The following HBEGF variants were observed in gnomAD, a reference collection of about 807,000 sequenced individuals.
HBEGF encodes heparin binding EGF like growth factor.
A neutral mutation model predicts 19.5 loss-of-function variants in HBEGF; 8 were observed. The ratio of observed to expected loss-of-function variants is 0.41; its 90% confidence interval spans 0.24 to 0.74. HBEGF has a LOEUF of 0.74. Ranked by LOEUF, HBEGF falls within the 30% of genes least tolerant of loss-of-function variation. HBEGF has a pLI of 0.32. For missense variants in HBEGF, 207 were observed against 256.9 expected (o/e 0.81, Z 1.33); for synonymous variants, 97 against 108.9 (o/e 0.89, Z 0.68).
At position 140,346,259 on chromosome 5, in the gene HBEGF, C is replaced by A; in HGVS notation, c.46+24G>T. On this transcript the variant is annotated intron_variant, in intron 1 of 5. Transcript: ENST00000230990. This position sits in a 1 kb window ranked among gnomAD's most constrained non-coding sequence, Gnocchi z 6.1. ...ACAACGCCCCCATCCCCCCGATCTC[C>A]GGGGGCGTCGGCAGCCCTCTTACCT... 1.3e-6 allele frequency: 2 copies of A among 1,595,954 alleles called. No individual in the cohort carries two copies. Among genetic ancestry groups the A allele is most frequent in the Non-Finnish European group, 8.5e-7 (1 of 1,172,284 alleles).
rs41291441 is a variant in HBEGF at position 140,335,834 on chromosome 5, A to G, written c.554+38T>C. The G allele has an allele frequency of 1.1e-3, 1,811 of 1,606,488 alleles. 4 individuals carry two copies. Among genetic ancestry groups the G allele is most frequent in the Non-Finnish European group, 1.4e-3 (1,643 of 1,175,750 alleles). On this transcript the variant is annotated intron_variant, in intron 4 of 5. Coordinates refer to ENST00000230990, the MANE Select transcript of HBEGF (RefSeq NM_001945.3). ...CCCAGGAGGAGGAAGAAAGGGAGTGATTTGCAGAAACAGCCTGCAGGGGAC... is the reference window on the plus strand; with the variant it reads ...CCCAGGAGGAGGAAGAAAGGGAGTGGTTTGCAGAAACAGCCTGCAGGGGAC...
Position 140,339,767 on chromosome 5 carries a change from G to A in HBEGF, c.398+2868C>T, listed in dbSNP as rs1198833615. Among the ~76,000 whole-genome samples the A allele has an allele frequency of 2.0e-5, 3 of 152,162 alleles. No individual in the cohort carries two copies. The East Asian group carries it at 5.8e-4, about 29-fold the overall frequency. ...TTCCTGTTCATGGTGGCTGCAGAGG[G>A]CTAGTTTAGGAAGCCAGCTAGCCTC... On this transcript the variant is annotated intron_variant, in intron 3 of 5. Transcript: ENST00000230990.
intron 2 of HBEGF, chr5:140,343,110 C>G (rs1425176199): frequency 1.4e-5 from 5 of 351,470 alleles, no homozygotes; most frequent in Non-Finnish European, 2.6e-5. Flanking sequence ...CTGGGCAATT[C>G]TACCAACCTC....
At position 140,338,428 on chromosome 5, in the gene HBEGF, C is replaced by G. The variant is rs571339854; in HGVS notation, c.399-2401G>C. 2.6e-5 allele frequency among the ~76,000 whole-genome samples: 4 copies of G among 152,296 alleles called. No homozygotes were observed. The East Asian group carries it at 7.7e-4, about 29-fold the overall frequency. ...CGTAGAGCCAGGATTCAACAGCAGTCTGGATGACTTCAGAGACTTTGCTTT... is the reference window on the plus strand; with the variant it reads ...CGTAGAGCCAGGATTCAACAGCAGTGTGGATGACTTCAGAGACTTTGCTTT... On this transcript the variant is annotated intron_variant, in intron 3 of 5. Transcript: ENST00000230990.
rs902983762 is a variant in HBEGF at position 140,346,594 on chromosome 5, T to C, written c.-266A>G. Reference sequence around the variant, plus strand: ...CAGCAGCGTGGCCCGCGTAGCTCCTTCGGCCGAATGAGCGCTGCCCGGCTC... The same window carrying C: ...CAGCAGCGTGGCCCGCGTAGCTCCTCCGGCCGAATGAGCGCTGCCCGGCTC... On this transcript the variant is annotated 5_prime_UTR_variant, in exon 1 of 6. Coordinates refer to ENST00000230990, the MANE Select transcript of HBEGF (RefSeq NM_001945.3). This position sits in a 1 kb window ranked among gnomAD's most constrained non-coding sequence, Gnocchi z 6.1. The C allele has an allele frequency of 2.0e-6, 1 of 507,100 alleles. No homozygotes were observed. The highest frequency in any genetic ancestry group is 3.6e-5 in the Admixed American group (1 of 27,692). 31.4% of individuals were successfully genotyped at this position (507,100 alleles called of 1,614,324 possible).
chr5:140,342,461 G>T (rs547942787), intron 3 of HBEGF, among the ~76,000 whole-genome samples, 174 bp downstream of exon 3: 3 of 152,178 alleles, frequency 2.0e-5, no homozygotes, highest in East Asian at 1.9e-4. Context: ...CATCCTATAG[G>T]GGGGAGGGGG....
rs1581115310 is a variant in HBEGF, at chr5:140,346,576, G to A, written c.-248C>T. On this transcript the variant is annotated 5_prime_UTR_variant, in exon 1 of 6. It adds an upstream start codon to the 5' untranslated region. Transcript: ENST00000230990. The surrounding 1 kb of genome is among the most constrained non-coding windows in gnomAD (Gnocchi z 6.1). ...CGCCTAGGTCAGGCCAGCCAGCAGC[G>A]TGGCCCGCGTAGCTCCTTCGGCCGA... The A allele has an allele frequency of 1.8e-6, 1 of 555,758 alleles. No homozygotes were observed. Among genetic ancestry groups the A allele is most frequent in the Non-Finnish European group, 3.2e-6 (1 of 314,392 alleles). The allele number at this position is 555,758 out of a possible 1,614,324, so 34.4% of individuals were successfully genotyped here. A position where few individuals can be genotyped will look rare whatever the true frequency, so the allele number is the denominator to read the frequency against.
intron 2 of HBEGF, 50 bp downstream of exon 2, chr5:140,345,861 A>G (rs1766390770): frequency 1.9e-6 from 3 of 1,603,636 alleles, no homozygotes; most frequent in Non-Finnish European, 2.6e-6. Flanking sequence ...GGATCTGCTT[A>G]TTCTTCAACA....
At position 140,334,693 on chromosome 5, in the gene HBEGF, T is replaced by C. The variant is rs1166646388; in HGVS notation, c.610A>G (p.Met204Val). ...AGTCTCTCTCAGTGGGAATTAGTCA[T>C]GCCCAACTTCACTTTCTCTTCATTT... ...VENEEKVKLG[M>V]TNSH Residue 204 changes from methionine to valine, a missense_variant, in exon 5 of 6, where the codon ATG becomes GTG. Transcript: ENST00000230990. 1.9e-6 allele frequency: 3 copies of C among 1,613,424 alleles called. No individual in the cohort carries two copies. The highest frequency in any genetic ancestry group is 1.7e-4 in the Middle Eastern group (1 of 6,060).
chr5:140,342,272 C>T (rs1437655517), intron 3 of HBEGF, among the ~76,000 whole-genome samples: 1 of 152,144 alleles, frequency 6.6e-6, no homozygotes. Context: ...TCTACTCTGC[C>T]CTGGAAGCCC....
In HBEGF at chr5:140,342,612, A is replaced by C. The variant is rs767617144; in HGVS notation, c.398+23T>G. On this transcript the variant is annotated intron_variant, in intron 3 of 5. Coordinates refer to ENST00000230990, the MANE Select transcript of HBEGF (RefSeq NM_001945.3). ...CTGACAAAGTGTGCTGATGAGATTC[A>C]GCCCTGGGGAAGGGGCACTTACATG... The C allele has an allele frequency of 2.5e-6, 4 of 1,610,934 alleles. No homozygotes were observed. The Admixed American group carries it at 6.7e-5, about 27-fold the overall frequency.
rs772447907 is a variant in HBEGF, at chr5:140,346,343, A to G, written c.-15T>C. 3.1e-6 allele frequency: 5 copies of G among 1,605,900 alleles called. No homozygotes were observed. Among genetic ancestry groups the G allele is most frequent in the African/African-American group, 1.3e-5 (1 of 74,544 alleles). ...AGCAGCTTCATGGTCCCGCACCGAGAGGAGGCGGCGAGGCACCAGTCACTT... is the reference window on the plus strand; with the variant it reads ...AGCAGCTTCATGGTCCCGCACCGAGGGGAGGCGGCGAGGCACCAGTCACTT... On this transcript the variant is annotated 5_prime_UTR_variant, in exon 1 of 6. Transcript: ENST00000230990. This position sits in a 1 kb window ranked among gnomAD's most constrained non-coding sequence, Gnocchi z 6.1.
chr5:140,335,800 A>G, intron 4 of HBEGF, 72 bp downstream of exon 4: 2 of 1,507,470 alleles, frequency 1.3e-6, no homozygotes, highest in African/African-American at 1.4e-5. Context: ...GTGACCATCA[A>G]GGAGAGGGCC....
chr5:140,345,471 A>C (rs1242060186), intron 2 of HBEGF, among the ~76,000 whole-genome samples: 1 of 152,204 alleles, frequency 6.6e-6, no homozygotes, highest in Non-Finnish European at 1.5e-5. Context: ...GAGGAGGCCA[A>C]CACTGCACAC....
At chr5:140,341,260 C>T (rs905132305) in intron 3 of HBEGF, among the ~76,000 whole-genome samples, 2 of 152,210 alleles carry the variant, frequency 1.3e-5, no homozygotes. Flanking sequence ...ACAGTGCAAG[C>T]CCCACATCCA....
chr5:140,344,713 C>A (rs1419389916), intron 2 of HBEGF, among the ~76,000 whole-genome samples: 1 of 151,878 alleles, frequency 6.6e-6, no homozygotes, highest in Non-Finnish European at 1.5e-5. Flanking sequence ...AACCCAGTGA[C>A]CAGAGCTTCG....
chr5:140,345,957 G>T lies in HBEGF; in HGVS notation c.174C>A (p.Asp58Glu). ...CCTCTTGCAAGTCACGGACTTTCCG[G>T]TCCCGGCCGCCTCCTAGGGGTAGCA... The part of the protein sequence containing the change: ...DQLLPLGGGR[D>E]RKVRDLQEAD... The change falls in exon 2 of 6, where the codon GAC (aspartate) becomes GAA (glutamate). Residue 58 changes from aspartate to glutamate, a missense_variant. Transcript: ENST00000230990. The T allele has an allele frequency of 6.2e-7, 1 of 1,614,184 alleles. No individual in the cohort carries two copies. The highest frequency in any genetic ancestry group is 8.5e-7 in the Non-Finnish European group (1 of 1,180,028).
chr5:140,339,512 C>CCT (rs1310561596), intron 3 of HBEGF, among the ~76,000 whole-genome samples: 1 of 152,086 alleles, frequency 6.6e-6, no homozygotes, highest in Non-Finnish European at 1.5e-5. Flanking sequence ...CCTGCCTCAG[C>CCT]CTCTCTAGTA....
At chr5:140,340,582 C>CAAAAAAAA (rs61489261) in intron 3 of HBEGF, among the ~76,000 whole-genome samples, 128 of 59,660 alleles carry the variant, frequency 2.1e-3, no homozygotes, top group Non-Finnish European at 2.9e-3. Context: ...GACTCTGTCT[C>CAAAAAAAA]AAAAAAAAAA....
Sources: gnomAD v4.1 joint callset for allele counts (sites outside exome capture counted in the v4.1 genomes callset) on GRCh38, gnomAD v4.1.1 for gene constraint, Gnocchi (gnomAD v3.1) non-coding constraint, MANE v1.5 for transcripts, NCBI Gene and HGNC (gene_info 2026-07-23, HGNC 2026-07-21) for gene names.